LRP1B: variants seen among roughly 807,000 people sequenced by gnomAD.
LRP1B encodes the protein LDL receptor related protein 1B, also known as low-density lipoprotein receptor-related protein 1B.
A neutral mutation model predicts 556.6 loss-of-function variants in LRP1B; 217 were observed. That is an observed-to-expected ratio of 0.39 (90% CI 0.35 to 0.44). The LOEUF (loss-of-function observed/expected upper bound fraction) is 0.44, where lower values mean the gene tolerates loss of function less well. Ranked by LOEUF, LRP1B falls within the 20% of genes least tolerant of loss-of-function variation. The pLI is 1.00. For missense variants in LRP1B, 5,053 were observed against 5,620.8 expected (o/e 0.90, Z 3.23); for synonymous variants, 2,047 against 1,865.8 (o/e 1.10, Z -2.50).
At chr2:141,919,641 A>G (rs1306452974) in intron 1 of LRP1B, among the ~76,000 whole-genome samples, 1 of 152,088 alleles carries the variant, frequency 6.6e-6, no homozygotes, top group Non-Finnish European at 1.5e-5. Context: ...GTGTTCTCAC[A>G]GCAATATTTT....
chr2:142,072,148 T>C (rs1705340473), intron 1 of LRP1B, among the ~76,000 whole-genome samples: 1 of 151,920 alleles, frequency 6.6e-6, no homozygotes, highest in Admixed American at 6.6e-5. Context: ...CCTATGTTAG[T>C]TCAGCGGTTG....
chr2:140,854,684 C>A (rs927573797), intron 27 of LRP1B, among the ~76,000 whole-genome samples: 1 of 152,126 alleles, frequency 6.6e-6, no homozygotes, highest in Admixed American at 6.5e-5. Context: ...TTTATTGAAA[C>A]ATAACCACGT....
chr2:141,697,148 T>G (rs1296050864), intron 2 of LRP1B, among the ~76,000 whole-genome samples: 1 of 151,972 alleles, frequency 6.6e-6, no homozygotes, highest in Non-Finnish European at 1.5e-5. Flanking sequence ...TACATGGCAT[T>G]CTTTCAAAAT....
At chr2:141,732,364 T>C (rs1277945040) in intron 2 of LRP1B, among the ~76,000 whole-genome samples, 1 of 152,146 alleles carries the variant, frequency 6.6e-6, no homozygotes, top group Non-Finnish European at 1.5e-5. Context: ...TTTCCATTTT[T>C]TTTTAAATGT....
chr2:141,703,349 C>T (rs1356137895), intron 2 of LRP1B, among the ~76,000 whole-genome samples: 2 of 151,894 alleles, frequency 1.3e-5, no homozygotes, highest in African/African-American at 4.8e-5. Flanking sequence ...CTGAATTTTC[C>T]TCTCCAGGGT....
chr2:141,449,431 C>G (rs981701257), intron 3 of LRP1B, among the ~76,000 whole-genome samples: 5 of 152,070 alleles, frequency 3.3e-5, no homozygotes, highest in African/African-American at 1.2e-4. Context: ...CCTAAATGAC[C>G]CCCACCAAAC....
chr2:141,612,006 T>C (rs1688124005), intron 2 of LRP1B, among the ~76,000 whole-genome samples: 2 of 152,240 alleles, frequency 1.3e-5, no homozygotes, highest in African/African-American at 4.8e-5. Context: ...GGAAAGTGGA[T>C]GAGGAAAGTA....
At chr2:140,347,757 T>G (rs916144056) in intron 77 of LRP1B, among the ~76,000 whole-genome samples, 4 of 151,978 alleles carry the variant, frequency 2.6e-5, no homozygotes, top group Non-Finnish European at 5.9e-5. Context: ...GATTCAGAGA[T>G]AGGTAGAAAT....
intron 7 of LRP1B, among the ~76,000 whole-genome samples, chr2:141,152,491 A>G (rs182400071): frequency 4.6e-5 from 7 of 152,090 alleles, no homozygotes; most frequent in Admixed American, 3.9e-4. Flanking sequence ...TGGGTGAGGA[A>G]TGTAAACATG....
intron 1 of LRP1B, among the ~76,000 whole-genome samples, chr2:141,849,804 A>G (rs1425965633): frequency 6.6e-6 from 1 of 151,654 alleles, no homozygotes; most frequent in African/African-American, 2.4e-5. Flanking sequence ...ACAACTTTAT[A>G]ATTAGATCTT....
At chr2:141,037,855 GACAC>G (rs1169807900) in intron 11 of LRP1B, among the ~76,000 whole-genome samples, 1 of 151,284 alleles carries the variant, frequency 6.6e-6, no homozygotes, top group African/African-American at 2.4e-5. Flanking sequence ...TGCAAGCACA[GACAC>G]ACACAGACAC....
chr2:140,235,888 A>G (rs1458780448), intron 89 of LRP1B, among the ~76,000 whole-genome samples: 1 of 151,052 alleles, frequency 6.6e-6, no homozygotes, highest in Non-Finnish European at 1.5e-5. Context: ...CTATATTTTT[A>G]TTCCTAAGAA....
At chr2:140,832,288 G>T (rs187545671) in intron 31 of LRP1B, among the ~76,000 whole-genome samples, 50 of 152,188 alleles carry the variant, frequency 3.3e-4, no homozygotes, top group Middle Eastern at 6.8e-3. Flanking sequence ...TATGTGGGTG[G>T]TCCTGGAACC....
At chr2:141,353,193 A>G (rs964846324) in intron 3 of LRP1B, among the ~76,000 whole-genome samples, 4 of 151,942 alleles carry the variant, frequency 2.6e-5, no homozygotes, top group Non-Finnish European at 5.9e-5. Context: ...GTTTTAGTCA[A>G]TGGGATGTGG....
chr2:141,342,486 A>G (rs1214030609), intron 3 of LRP1B, among the ~76,000 whole-genome samples: 2 of 151,948 alleles, frequency 1.3e-5, no homozygotes, highest in African/African-American at 2.4e-5. Flanking sequence ...TTAAACTCAC[A>G]AGGTCTGAGC....
intron 35 of LRP1B, among the ~76,000 whole-genome samples, chr2:140,730,848 C>T (rs1015103477): frequency 1.3e-5 from 2 of 152,086 alleles, no homozygotes; most frequent in Non-Finnish European, 2.9e-5. Context: ...TGAGCCGCCA[C>T]GCCCAGCCTC....
chr2:142,000,106 T>G (rs1319644202), intron 1 of LRP1B, among the ~76,000 whole-genome samples: 1 of 151,852 alleles, frequency 6.6e-6, no homozygotes, highest in African/African-American at 2.4e-5. Context: ...TTTAAGAACT[T>G]AAAACTATGA....
At position 140,794,528 on chromosome 2, in the gene LRP1B, G is replaced by A. The variant is rs1376702040; in HGVS notation, c.5360-18290C>T. Among the ~76,000 whole-genome samples the A allele has an allele frequency of 4.8e-5, 7 of 147,152 alleles. No individual in the cohort carries two copies. The Admixed American group carries it at 4.8e-4, about 10-fold the overall frequency. The stretch of plus-strand genomic sequence containing the variant: ...ACACACACACACACACATATTTCAA[G>A]GGAGCTGTCCAGATGAATTTCCAAA... On this transcript the variant is annotated intron_variant, in intron 32 of 90. Transcript: ENST00000389484.
intron 2 of LRP1B, among the ~76,000 whole-genome samples, chr2:141,699,391 A>G (rs1202527068): frequency 6.6e-6 from 1 of 151,840 alleles, no homozygotes; most frequent in African/African-American, 2.4e-5. Flanking sequence ...ATACACAGAT[A>G]CGTTTTCTTT....
Sources: gnomAD v4.1 joint callset for allele counts (sites outside exome capture counted in the v4.1 genomes callset) on GRCh38, gnomAD v4.1.1 for gene constraint, MANE v1.5 for transcripts, NCBI Gene and HGNC (gene_info 2026-07-23, HGNC 2026-07-21) for gene names.